AMACR: variants seen among roughly 807,000 people sequenced by gnomAD.
AMACR encodes 2-methylacyl-CoA racemase.
A neutral mutation model predicts 22.2 loss-of-function variants in AMACR; 18 were observed. That is an observed-to-expected ratio of 0.81 (90% CI 0.56 to 1.20). AMACR has a LOEUF of 1.20. Among genes scored for constraint, AMACR ranks in the 50% most tolerant of loss-of-function variants. AMACR has a pLI of 0.00. For synonymous variants in AMACR, 213 were observed against 191.3 expected, an observed-to-expected ratio of 1.11 and a Z score of -0.94; for missense variants, 499 against 490.6, an observed-to-expected ratio of 1.02 and a Z score of -0.16.
intron 4 of AMACR, chr5:33,996,902 AATC>A: frequency 2.5e-6 from 1 of 405,980 alleles, no homozygotes; most frequent in Non-Finnish European, 4.4e-6. Flanking sequence ...AATTTAAGAA[AATC>A]ATTAAACAAA....
At chr5:34,003,841 T>C (rs1753891538) in intron 3 of AMACR, among the ~76,000 whole-genome samples, 1 of 152,176 alleles carries the variant, frequency 6.6e-6, no homozygotes, top group Non-Finnish European at 1.5e-5. Flanking sequence ...TCAGATCCAT[T>C]CTCCATCCCA....
Position 34,004,687 on chromosome 5 carries a change from G to A in AMACR, c.439C>T (p.Leu147=), listed in dbSNP as rs1161553407. The change falls in exon 3 of 5, where the codon CTG becomes TTG. Residue 147 remains leucine, a synonymous_variant. Coordinates refer to ENST00000335606, the MANE Select transcript of AMACR (RefSeq NM_014324.6). The part of the protein sequence containing the change: ...GRSGENPYAP[L]NLLADFAGGG... ...CCAGCAAAGTCAGCCAGGAGATTCA[G>A]CGGGGCATACGGATTCTCACCACTT... The A allele has an allele frequency of 7.4e-6, 12 of 1,614,212 alleles. No homozygotes were observed. The South Asian group carries it at 1.3e-4, about 18-fold the overall frequency.
intron 4 of AMACR, among the ~76,000 whole-genome samples, chr5:33,993,184 T>G (rs148356259): frequency 1.3e-5 from 2 of 152,348 alleles, no homozygotes; most frequent in East Asian, 3.9e-4. Context: ...GTATTAGCCC[T>G]TTGGTGACTG....
At chr5:33,997,371 G>T in intron 4 of AMACR, 1 of 776,266 alleles carries the variant, frequency 1.3e-6, no homozygotes. Context: ...ACTCAAAATG[G>T]CCATTGCCGC....
chr5:34,005,795 G>C lies in AMACR; in HGVS notation c.352C>G (p.Arg118Gly), dbSNP rs763403225. Residue 118 changes from arginine to glycine, a missense_variant, in exon 2 of 5, where the codon CGG becomes GGG. Physicochemically the swap from Arg to Gly is moderately radical, Grantham distance 125 (BLOSUM62 -2). Coordinates refer to ENST00000335606, the MANE Select transcript of AMACR (RefSeq NM_014324.6). ...SGFGQSGSFC[R>G]LAGHDINYLA... ...TAGTTGATATCGTGGCCAGCTAACC[G>C]GCAGAAGCTTCCTGACTGGCCAAAT... 1 of 1,613,984 alleles carries C rather than the reference G, an allele frequency of 6.2e-7. No homozygotes were observed. Among genetic ancestry groups the C allele is most frequent in the Non-Finnish European group, 8.5e-7 (1 of 1,180,012 alleles).
At chr5:33,989,577 GC>G in intron 4 of AMACR, 75 bp from the exon 5 acceptor site, 1 of 1,233,294 alleles carries the variant, frequency 8.1e-7, no homozygotes, top group Non-Finnish European at 1.2e-6. Context: ...TGAATGCTGA[GC>G]CCACTGTACT....
At position 33,989,301 on chromosome 5, in the gene AMACR, G is replaced by C; in HGVS notation, c.941C>G (p.Ser314Trp). ...VHHDHNKERG[S>W]FITSEEQDVS... ...GTCCTGCTCCTCACTGGTGATAAACGAGCCCCGTTCCTTGTTGTGATCATG... is the reference window on the plus strand; with the variant it reads ...GTCCTGCTCCTCACTGGTGATAAACCAGCCCCGTTCCTTGTTGTGATCATG... The change falls in exon 5 of 5, where the codon TCG becomes TGG. Residue 314 changes from serine to tryptophan, a missense_variant. Coordinates refer to ENST00000335606, the MANE Select transcript of AMACR (RefSeq NM_014324.6). 2 of 1,614,096 alleles carry C rather than the reference G, an allele frequency of 1.2e-6. No individual in the cohort carries two copies. The highest frequency in any genetic ancestry group is 1.7e-6 in the Non-Finnish European group (2 of 1,180,004).
At chr5:33,995,861 C>G (rs1032693093) in intron 4 of AMACR, among the ~76,000 whole-genome samples, 1 of 152,270 alleles carries the variant, frequency 6.6e-6, no homozygotes, top group East Asian at 1.9e-4. Flanking sequence ...AGCATTTATT[C>G]AAGAAAAACA....
intron 4 of AMACR, among the ~76,000 whole-genome samples, chr5:33,995,554 T>G (rs552565440): frequency 1.3e-3 from 203 of 152,346 alleles, no homozygotes; most frequent in Non-Finnish European, 2.3e-3. Flanking sequence ...GAAAACGCAT[T>G]AACTTTGTGG....
intron 3 of AMACR, among the ~76,000 whole-genome samples, chr5:34,002,949 C>T (rs184455451): frequency 6.6e-6 from 1 of 152,274 alleles, no homozygotes; most frequent in African/African-American, 2.4e-5. Flanking sequence ...GAGAAGGAAG[C>T]GCAGGCTGAA....
intron 3 of AMACR, among the ~76,000 whole-genome samples, chr5:34,001,563 G>A (rs532034759): frequency 1.3e-5 from 2 of 152,332 alleles, no homozygotes; most frequent in African/African-American, 4.8e-5. Flanking sequence ...CCTTTAGGTG[G>A]AACTTAAAAT....
chr5:33,994,902 T>C (rs555101121), intron 4 of AMACR, among the ~76,000 whole-genome samples: 30 of 152,334 alleles, frequency 2.0e-4, no homozygotes, highest in African/African-American at 5.8e-4. Context: ...GGAAGGCTCA[T>C]TCATTGAGGT....
Position 33,988,320 on chromosome 5 carries a change from G to A in AMACR, c.*773C>T. On this transcript the variant is annotated 3_prime_UTR_variant, in exon 5 of 5. Coordinates refer to ENST00000335606, the MANE Select transcript of AMACR (RefSeq NM_014324.6). ...GGTCCTGAGATCTTTATTTCTGGATGTTGCTGTGTGTTGGGTATAAGATCC... is the reference window on the plus strand; with the variant it reads ...GGTCCTGAGATCTTTATTTCTGGATATTGCTGTGTGTTGGGTATAAGATCC... The A allele has an allele frequency of 6.5e-7, 1 of 1,540,974 alleles. No individual in the cohort carries two copies. Among genetic ancestry groups the A allele is most frequent in the Non-Finnish European group, 8.7e-7 (1 of 1,148,722 alleles).
chr5:33,997,983 A>G (rs1753694995), intron 4 of AMACR, among the ~76,000 whole-genome samples: 1 of 151,398 alleles, frequency 6.6e-6, no homozygotes. Flanking sequence ...ATCACTTCAG[A>G]GTATATTCTA....
intron 4 of AMACR, among the ~76,000 whole-genome samples, chr5:33,995,264 C>G (rs1032727695): frequency 6.6e-6 from 1 of 152,160 alleles, no homozygotes; most frequent in Non-Finnish European, 1.5e-5. Context: ...ATTTTACTTC[C>G]TAAGGGCCCC....
intron 4 of AMACR, among the ~76,000 whole-genome samples, chr5:33,996,453 A>G (rs1753638430): frequency 6.6e-6 from 1 of 152,166 alleles, no homozygotes; most frequent in Non-Finnish European, 1.5e-5. Flanking sequence ...AAGTTAAGGC[A>G]TATAGTGCCT....
intron 4 of AMACR, among the ~76,000 whole-genome samples, chr5:33,990,138 C>T (rs920310875): frequency 1.5e-4 from 23 of 152,128 alleles, no homozygotes; most frequent in African/African-American, 5.1e-4. Flanking sequence ...AGACCCCCAT[C>T]ATCCATCATC....
chr5:33,998,959 TA>T (rs1337660859), intron 3 of AMACR, 132 bp from the exon 4 acceptor site: 33 of 782,020 alleles, frequency 4.2e-5, no homozygotes, highest in Non-Finnish European at 6.5e-5. Flanking sequence ...TCTACCTAAT[TA>T]CACAACTTCT....
rs541512288 is a variant in AMACR at position 33,987,863 on chromosome 5, G to A, written c.*1230C>T. The A allele has an allele frequency of 6.5e-6, 1 of 152,804 alleles. No homozygotes were observed. Among genetic ancestry groups the A allele is most frequent in the Non-Finnish European group, 1.5e-5 (1 of 68,510 alleles). 9.5% of individuals were successfully genotyped at this position (152,804 alleles called of 1,614,324 possible). On this transcript the variant is annotated 3_prime_UTR_variant, in exon 5 of 5. Transcript: ENST00000335606. ...AGGACATAATATTTAATTCGTTGGG[G>A]ACCTAATTATTTATAAATTGAATGG...
Sources: allele counts gnomAD v4.1 joint callset (sites outside exome capture counted in the v4.1 genomes callset), GRCh38; gene constraint gnomAD v4.1.1; transcripts MANE v1.5; gene names NCBI Gene and HGNC (gene_info 2026-07-23, HGNC 2026-07-21).